The following DLG1 variants were observed in gnomAD, a reference collection of about 807,000 sequenced individuals.
DLG1 encodes discs large MAGUK scaffold protein 1.
A neutral mutation model predicts 123.4 loss-of-function variants in DLG1; 42 were observed. The ratio of observed to expected loss-of-function variants is 0.34; its 90% CI spans 0.27 to 0.44. The LOEUF is 0.44. DLG1 is among the 20% of genes least tolerant of loss of function. The probability of loss-of-function intolerance (pLI) is 1.00; values close to 1 mark genes in which losing one functional copy is unlikely to be tolerated. For missense variants in DLG1, 942 were observed against 1,082.6 expected (o/e 0.87, Z 1.82); for synonymous variants, 317 against 356.2 (o/e 0.89, Z 1.24).
At chr3:197,119,121 G>C (rs1366132901) in intron 12 of DLG1, among the ~76,000 whole-genome samples, 2 of 152,064 alleles carry the variant, frequency 1.3e-5, no homozygotes, top group Non-Finnish European at 2.9e-5. Context: ...ATATGCATAA[G>C]AATTTTCTTA....
intron 17 of DLG1, among the ~76,000 whole-genome samples, chr3:197,077,542 A>G (rs1292664457): frequency 6.6e-6 from 1 of 152,198 alleles, no homozygotes; most frequent in African/African-American, 2.4e-5. Context: ...ACATCCAATC[A>G]TTGGCACCAC....
intron 4 of DLG1, among the ~76,000 whole-genome samples, chr3:197,243,980 T>A (rs939851677): frequency 6.6e-6 from 1 of 152,120 alleles, no homozygotes; most frequent in Non-Finnish European, 1.5e-5. Context: ...TGGATCAGAG[T>A]GCAAGTGCCG....
At chr3:197,124,891 T>C (rs773048098) in intron 11 of DLG1, among the ~76,000 whole-genome samples, 3 of 152,128 alleles carry the variant, frequency 2.0e-5, no homozygotes, top group Admixed American at 6.5e-5. Flanking sequence ...TATGTAAACA[T>C]GTTCGTGTGC....
intron 4 of DLG1, among the ~76,000 whole-genome samples, chr3:197,222,923 A>G (rs1458487727): frequency 1.3e-5 from 2 of 152,164 alleles, no homozygotes; most frequent in African/African-American, 2.4e-5. Context: ...AAAAAAACAA[A>G]CAACTTTAAC....
intron 4 of DLG1, among the ~76,000 whole-genome samples, chr3:197,228,433 A>G (rs1475633813): frequency 6.6e-6 from 1 of 152,240 alleles, no homozygotes; most frequent in Non-Finnish European, 1.5e-5. Context: ...AGTTGGTTAC[A>G]CAATAAACAT....
chr3:197,143,450 G>T (rs1255728068), intron 6 of DLG1, among the ~76,000 whole-genome samples: 1 of 152,040 alleles, frequency 6.6e-6, no homozygotes, highest in East Asian at 1.9e-4. Flanking sequence ...TAGAGATGGG[G>T]TTTCACCGTG....
chr3:197,075,869 T>C (rs200527966), intron 18 of DLG1: 1 of 1,611,846 alleles, frequency 6.2e-7, no homozygotes, highest in Non-Finnish European at 8.5e-7. Flanking sequence ...GTCAGGGATC[T>C]CCTGTAGAGG....
intron 17 of DLG1, among the ~76,000 whole-genome samples, chr3:197,078,740 C>A (rs1174828825): frequency 6.6e-6 from 1 of 152,100 alleles, no homozygotes; most frequent in Non-Finnish European, 1.5e-5. Context: ...TAGGGAAAAA[C>A]TAAATCTTTT....
At chr3:197,214,849 G>A (rs182966096) in intron 4 of DLG1, among the ~76,000 whole-genome samples, 39 of 152,254 alleles carry the variant, frequency 2.6e-4, no homozygotes, top group African/African-American at 9.4e-4. Context: ...AATAAACAAT[G>A]AAAAGATGTT....
chr3:197,075,958 A>G (rs1265051348), intron 18 of DLG1: 4 of 1,159,568 alleles, frequency 3.4e-6, no homozygotes, highest in Non-Finnish European at 5.1e-6. Flanking sequence ...GTGCTACAGT[A>G]AGAGACAGTT....
chr3:197,119,237 T>C (rs1774972218), intron 12 of DLG1, among the ~76,000 whole-genome samples, 173 bp downstream of exon 12: 1 of 152,178 alleles, frequency 6.6e-6, no homozygotes, highest in African/African-American at 2.4e-5. Context: ...AAATAAAACA[T>C]GTATATTTCA....
intron 4 of DLG1, among the ~76,000 whole-genome samples, chr3:197,226,921 G>A (rs187558245): frequency 1.0e-3 from 152 of 152,258 alleles, no homozygotes; most frequent in African/African-American, 3.6e-3. Context: ...ATAAAATACT[G>A]TGAAAATGTC....
Position 197,042,819 on chromosome 3 carries a change from C to T in DLG1, c.*1804G>A, listed in dbSNP as rs895576839. On this transcript the variant is annotated 3_prime_UTR_variant, in exon 25 of 25. Coordinates refer to ENST00000667157, the MANE Select transcript of DLG1 (RefSeq NM_001366207.1). ...TGTGGTAACACACTCTGCTGCCTAACGGCTCTTGGATTCGGTTATAAGTTA... is the reference window on the plus strand; with the variant it reads ...TGTGGTAACACACTCTGCTGCCTAATGGCTCTTGGATTCGGTTATAAGTTA... 3 of 152,214 alleles carry T rather than the reference C, an allele frequency of 2.0e-5. No individual in the cohort carries two copies. The highest frequency in any genetic ancestry group is 1.3e-4 in the Admixed American group (2 of 15,284). The allele number at this position is 152,214 out of a possible 1,614,324, so 9.4% of individuals were successfully genotyped here. A position where few individuals can be genotyped will look rare whatever the true frequency, so the allele number is the denominator to read the frequency against.
At chr3:197,177,166 T>C (rs1257020565) in intron 5 of DLG1, among the ~76,000 whole-genome samples, 1 of 152,124 alleles carries the variant, frequency 6.6e-6, no homozygotes, top group Non-Finnish European at 1.5e-5. Flanking sequence ...TGAGTCATCA[T>C]ATTAATTTCG....
intron 14 of DLG1, among the ~76,000 whole-genome samples, chr3:197,096,446 G>T (rs570989997): frequency 2.6e-5 from 4 of 152,222 alleles, no homozygotes; most frequent in African/African-American, 9.6e-5. Context: ...GCATTACCCT[G>T]CATGGAAGCC....
chr3:197,234,689 C>T (rs181893861), intron 4 of DLG1, among the ~76,000 whole-genome samples: 2 of 151,994 alleles, frequency 1.3e-5, no homozygotes, highest in East Asian at 1.9e-4. Context: ...GTTTATGCCC[C>T]GTAATTATGT....
At chr3:197,121,412 G>A (rs1776300867) in intron 11 of DLG1, among the ~76,000 whole-genome samples, 1 of 152,072 alleles carries the variant, frequency 6.6e-6, no homozygotes, top group Non-Finnish European at 1.5e-5. Context: ...GCAAGTAGAA[G>A]AGCTTGAAGT....
intron 23 of DLG1, among the ~76,000 whole-genome samples, chr3:197,054,246 T>G (rs1397549209): frequency 6.6e-6 from 1 of 152,168 alleles, no homozygotes; most frequent in Non-Finnish European, 1.5e-5. Flanking sequence ...CTGCTTTGAG[T>G]TCATTGACTT....
At chr3:197,168,343 A>G (rs1329530987) in intron 5 of DLG1, among the ~76,000 whole-genome samples, 3 of 152,228 alleles carry the variant, frequency 2.0e-5, no homozygotes, top group Non-Finnish European at 4.4e-5. Flanking sequence ...CCTAATCACA[A>G]CTGATAACCA....
Sources: allele counts gnomAD v4.1 joint callset (sites outside exome capture counted in the v4.1 genomes callset), GRCh38; gene constraint gnomAD v4.1.1; transcripts MANE v1.5; gene names NCBI Gene and HGNC (gene_info 2026-07-23, HGNC 2026-07-21).